SPATA6: variants seen among roughly 807,000 people sequenced by gnomAD.
The protein encoded by SPATA6 is spermatogenesis-associated protein 6.
In SPATA6, 56 loss-of-function variants were observed where a neutral mutation model predicts 65.3. The observed-to-expected ratio is 0.86, with a 90% confidence interval of 0.69 to 1.07. The LOEUF (loss-of-function observed/expected upper bound fraction) is 1.07. Ranked by LOEUF, SPATA6 falls within the 50% of genes least tolerant of loss-of-function variation. The pLI, the probability that SPATA6 is intolerant of heterozygous loss-of-function variation, is 0.00. For synonymous variants in SPATA6, 199 were observed against 213.2 expected (o/e 0.93, Z 0.58); for missense variants, 590 against 594.8 (o/e 0.99, Z 0.08).
At chr1:48,420,086 G>A (rs920834148) in intron 3 of SPATA6, among the ~76,000 whole-genome samples, 1 of 152,100 alleles carries the variant, frequency 6.6e-6, no homozygotes, top group East Asian at 1.9e-4. Context: ...GGAGGAGAGA[G>A]GAGTGGAGGG....
At chr1:48,308,367 C>A (rs2148659803) in intron 11 of SPATA6, among the ~76,000 whole-genome samples, 1 of 152,086 alleles carries the variant, frequency 6.6e-6, no homozygotes, top group Non-Finnish European at 1.5e-5. Flanking sequence ...AGTCCCTCCC[C>A]TTTTAATTGC....
At chr1:48,364,742 G>A (rs1298200134) in intron 9 of SPATA6, among the ~76,000 whole-genome samples, 2 of 152,240 alleles carry the variant, frequency 1.3e-5, no homozygotes, top group Non-Finnish European at 2.9e-5. Flanking sequence ...CACCCATTTT[G>A]TAGGTTGCCT....
chr1:48,298,829 C>T lies in SPATA6; in HGVS notation c.1351G>A (p.Ala451Thr). The T allele has an allele frequency of 6.2e-7, 1 of 1,614,014 alleles. No individual in the cohort carries two copies. Among genetic ancestry groups the T allele is most frequent in the Non-Finnish European group, 8.5e-7 (1 of 1,179,942 alleles). ...CGGTGGGATTTTCCCTTATAAGAGG[C>T]TGCCCTGTTGGACCAGTATTCACCG... The part of the protein sequence containing the change: ...DDGEYWSNRA[A>T]SYKGKSHRPI... Residue 451 changes from alanine to threonine, a missense_variant, in exon 13 of 13, where the codon GCC becomes ACC. Coordinates refer to ENST00000371847, the MANE Select transcript of SPATA6 (RefSeq NM_019073.4).
chr1:48,454,760 C>T (rs1455569965), intron 1 of SPATA6, among the ~76,000 whole-genome samples: 2 of 151,878 alleles, frequency 1.3e-5, no homozygotes, highest in Admixed American at 6.6e-5. Context: ...AACGGAGCCC[C>T]GGGAAAGTTA....
intron 9 of SPATA6, among the ~76,000 whole-genome samples, chr1:48,362,451 A>G (rs1473996445): frequency 6.6e-6 from 1 of 152,144 alleles, no homozygotes; most frequent in Non-Finnish European, 1.5e-5. Flanking sequence ...ACTAGTCAGC[A>G]TTGCTTTATA....
At chr1:48,279,955 A>T in the SPATA6 span, among the ~76,000 whole-genome samples, 2 of 152,206 alleles carry the variant, frequency 1.3e-5, no homozygotes, top group Non-Finnish European at 2.9e-5. Context: ...CAGCAAATGT[A>T]AAAGAACAGA....
chr1:48,408,615 G>A (rs1469172858), intron 5 of SPATA6, among the ~76,000 whole-genome samples: 5 of 152,178 alleles, frequency 3.3e-5, no homozygotes, highest in Admixed American at 6.5e-5. Context: ...GATAGATATT[G>A]TATTAGTTCA....
At chr1:48,402,903 G>A (rs974302846) in intron 6 of SPATA6, among the ~76,000 whole-genome samples, 3 of 152,138 alleles carry the variant, frequency 2.0e-5, no homozygotes, top group African/African-American at 7.2e-5. Flanking sequence ...ACTAGGCCAG[G>A]CAGATAAGTG....
chr1:48,384,359 G>A (rs1450170599), intron 9 of SPATA6, among the ~76,000 whole-genome samples: 1 of 5,114 alleles, frequency 2.0e-4, no homozygotes, highest in Non-Finnish European at 6.3e-4. Context: ...ACAGGGAGAG[G>A]GAGAGGGAGA....
intron 9 of SPATA6, among the ~76,000 whole-genome samples, chr1:48,373,549 T>G (rs1647541905): frequency 1.3e-5 from 2 of 152,324 alleles, no homozygotes; most frequent in South Asian, 4.1e-4. Context: ...CAAAGTCGCT[T>G]CCACATTTCC....
intron 3 of SPATA6, among the ~76,000 whole-genome samples, chr1:48,427,000 A>G (rs1653899927): frequency 6.6e-6 from 1 of 151,928 alleles, no homozygotes; most frequent in South Asian, 2.1e-4. Flanking sequence ...ATCATAGCTC[A>G]CTGTACCCTC....
intron 8 of SPATA6, among the ~76,000 whole-genome samples, chr1:48,391,774 G>T (rs887688847): frequency 9.9e-5 from 15 of 151,974 alleles, no homozygotes; most frequent in Admixed American, 8.5e-4. Context: ...AGTCAGAATG[G>T]TATAATAATT....
chr1:48,329,495 A>G (rs1278455671), intron 11 of SPATA6, among the ~76,000 whole-genome samples: 2 of 152,328 alleles, frequency 1.3e-5, no homozygotes, highest in Non-Finnish European at 1.5e-5. Context: ...TTCTTAAAAC[A>G]TAGGGGGACA....
chr1:48,362,953 T>A (rs1191128120), intron 9 of SPATA6, among the ~76,000 whole-genome samples: 1 of 152,050 alleles, frequency 6.6e-6, no homozygotes, highest in African/African-American at 2.4e-5. Flanking sequence ...GCATATAAAG[T>A]ACCAAACAAA....
intron 1 of SPATA6, among the ~76,000 whole-genome samples, chr1:48,469,662 A>C (rs771525984): frequency 6.6e-6 from 1 of 152,130 alleles, no homozygotes; most frequent in Non-Finnish European, 1.5e-5. Context: ...GTAAATGTAA[A>C]AAGGAAATAG....
intron 3 of SPATA6, among the ~76,000 whole-genome samples, chr1:48,421,175 A>G (rs1653295981): frequency 6.6e-6 from 1 of 152,186 alleles, no homozygotes. Context: ...ATATTTCAAA[A>G]TGGCTAGAAG....
chr1:48,396,287 G>T (rs897993365), intron 7 of SPATA6, among the ~76,000 whole-genome samples: 3 of 151,692 alleles, frequency 2.0e-5, no homozygotes, highest in Admixed American at 2.0e-4. Flanking sequence ...GGTGTGCAGT[G>T]CAAAATGGTA....
chr1:48,406,613 G>A (rs2147961160), intron 5 of SPATA6, among the ~76,000 whole-genome samples: 1 of 152,260 alleles, frequency 6.6e-6, no homozygotes, highest in East Asian at 1.9e-4. Context: ...TCAAAGATGA[G>A]AAAGTCAAAG....
intron 9 of SPATA6, among the ~76,000 whole-genome samples, chr1:48,372,323 C>T (rs1647369661): frequency 6.6e-6 from 1 of 152,162 alleles, no homozygotes; most frequent in Non-Finnish European, 1.5e-5. Flanking sequence ...AAAGGGGTTA[C>T]AGGGCCCATG....
Sources: gnomAD v4.1 joint callset for allele counts (sites outside exome capture counted in the v4.1 genomes callset) on GRCh38, gnomAD v4.1.1 for gene constraint, MANE v1.5 for transcripts, NCBI Gene and HGNC (gene_info 2026-07-23, HGNC 2026-07-21) for gene names.